The following SMARCD3 variants were observed in gnomAD, a reference collection of about 807,000 sequenced individuals.
SMARCD3 encodes the protein SWI/SNF related BAF chromatin remodeling complex subunit D3, also known as SWI/SNF-related matrix-associated actin-dependent regulator of chromatin subfamily D member 3.
A neutral mutation model predicts 58.0 loss-of-function variants in SMARCD3; 14 were observed. The observed-to-expected ratio is 0.24, with a 90% CI of 0.16 to 0.38. The LOEUF (loss-of-function observed/expected upper bound fraction) is 0.38. SMARCD3 is among the 10% of genes least tolerant of loss of function. The pLI is 1.00. For synonymous variants in SMARCD3, 253 were observed against 253.8 expected, an observed-to-expected ratio of 1.00 and a Z score of 0.03; for missense variants, 408 against 636.9, an observed-to-expected ratio of 0.64 and a Z score of 3.87.
intron 1 of SMARCD3, among the ~76,000 whole-genome samples, chr7:151,247,474 G>A (rs1584874904): frequency 6.6e-6 from 1 of 152,232 alleles, no homozygotes; most frequent in East Asian, 1.9e-4. Flanking sequence ...AAGAGGCCCT[G>A]AGAGGGAGGC....
chr7:151,268,763 TTC>T (rs1003996835), intron 2 of SMARCD3, among the ~76,000 whole-genome samples: 1 of 151,910 alleles, frequency 6.6e-6, no homozygotes, highest in African/African-American at 2.4e-5. Context: ...CCACACAAAA[TTC>T]TCTCTCTTTT....
At chr7:151,250,234 T>TCTGGTCCAGGTTG (rs1803470154), upstream of SMARCD3, among the ~76,000 whole-genome samples, 1 of 151,980 alleles carries the variant, frequency 6.6e-6, no homozygotes, top group African/African-American at 2.4e-5. Context: ...AGGGAGGACA[T>TCTGGTCCAGGTTG]CTGGTCCAGG....
upstream of SMARCD3, among the ~76,000 whole-genome samples, chr7:151,251,829 G>C (rs1411001583): frequency 6.6e-6 from 1 of 150,856 alleles, no homozygotes; most frequent in Non-Finnish European, 1.5e-5. Flanking sequence ...CGCAGGGAGA[G>C]ATGCGCCGCG....
chr7:151,260,348 A>G (rs1803876557), intron 2 of SMARCD3, among the ~76,000 whole-genome samples: 1 of 152,228 alleles, frequency 6.6e-6, no homozygotes, highest in African/African-American at 2.4e-5. Context: ...CGTTTTAAAC[A>G]CACCCCTCAA....
chr7:151,257,258 A>T (rs1803731482), intron 2 of SMARCD3, among the ~76,000 whole-genome samples: 1 of 151,986 alleles, frequency 6.6e-6, no homozygotes, highest in African/African-American at 2.4e-5. Context: ...AAAACTTCTG[A>T]AAAGAGTTGT....
At chr7:151,250,756 G>A (rs114039806), upstream of SMARCD3, among the ~76,000 whole-genome samples, 2,875 of 152,118 alleles carry the variant, frequency 0.019, 83 homozygotes, top group African/African-American at 0.061. Context: ...AGAGGCTAAG[G>A]TCCCCATAAG....
In SMARCD3 at chr7:151,245,658, G is replaced by A. The variant is rs1803223452; in HGVS notation, c.92C>T (p.Pro31Leu). The A allele has an allele frequency of 8.8e-7, 1 of 1,134,526 alleles. No individual in the cohort carries two copies. Among genetic ancestry groups the A allele is most frequent in the Non-Finnish European group, 1.1e-6 (1 of 899,778 alleles). 70.3% of individuals were successfully genotyped at this position (1,134,526 alleles called of 1,614,324 possible). Reference sequence around the variant, plus strand: ...CTGGTGGGGCATCCGGGCTCCAGACGGCATCCCGGGGCGCTGGGGGTGGGC... The same window carrying A: ...CTGGTGGGGCATCCGGGCTCCAGACAGCATCCCGGGGCGCTGGGGGTGGGC... Reference protein sequence around the residue: ...FLVHGVRPGMPSGARMPHQGA... With the variant: ...FLVHGVRPGMLSGARMPHQGA... Residue 31 changes from proline to leucine, a missense_variant, in exon 2 of 13, where the codon CCG (proline) becomes CTG (leucine). Pro to Leu is a moderately conservative substitution (Grantham distance 98). Coordinates refer to ENST00000262188, the MANE Select transcript of SMARCD3 (RefSeq NM_001003801.2). The surrounding 1 kb of genome is among the most constrained non-coding windows in gnomAD (Gnocchi z 6.2).
exon 2 of SMARCD3, chr7:151,275,186 A>G: frequency 1.2e-6 from 2 of 1,603,642 alleles, no homozygotes; most frequent in Non-Finnish European, 1.7e-6. Context: ...AGAGTCATCC[A>G]GTGCCCCCTC....
intron 2 of SMARCD3, among the ~76,000 whole-genome samples, chr7:151,244,782 T>C (rs963356169): frequency 2.0e-5 from 3 of 152,212 alleles, no homozygotes; most frequent in Non-Finnish European, 2.9e-5. Context: ...AAAAAAAGCA[T>C]GTGTATTTGG....
At chr7:151,250,191 T>C (rs1488253075), upstream of SMARCD3, among the ~76,000 whole-genome samples, 1 of 152,104 alleles carries the variant, frequency 6.6e-6, no homozygotes, top group Non-Finnish European at 1.5e-5. Context: ...CTGTCACTGT[T>C]CATTTAGGTG....
chr7:151,243,466 G>A lies in SMARCD3; in HGVS notation c.333+193C>T, dbSNP rs1297209750. Among the ~76,000 whole-genome samples the A allele has an allele frequency of 1.3e-5, 2 of 152,088 alleles. No homozygotes were observed. Among genetic ancestry groups the A allele is most frequent in the Non-Finnish European group, 2.9e-5 (2 of 68,010 alleles). ...CCCCCTGACAGGCCCCTGTGTTCTG[G>A]CCCCAGTGGCTCTGCTGCTTCCCTC... On this transcript the variant is annotated intron_variant, in intron 3 of 12. Coordinates refer to ENST00000262188, the MANE Select transcript of SMARCD3 (RefSeq NM_001003801.2). The surrounding 1 kb of genome is among the most constrained non-coding windows in gnomAD (Gnocchi z 4.4).
At chr7:151,240,639 A>T in intron 8 of SMARCD3, 117 bp from the exon 9 acceptor site, 173 of 548,516 alleles carry the variant, frequency 3.2e-4, no homozygotes, top group East Asian at 5.1e-4. Flanking sequence ...CTGATTCCTC[A>T]GTGCGCATGG....
At position 151,241,359 on chromosome 7, in the gene SMARCD3, G is replaced by A; in HGVS notation, c.939+133C>T. 2 of 810,076 alleles carry A rather than the reference G, an allele frequency of 2.5e-6. No homozygotes were observed. Among genetic ancestry groups the A allele is most frequent in the Non-Finnish European group, 4.2e-6 (2 of 479,724 alleles). 50.2% of individuals were successfully genotyped at this position (810,076 alleles called of 1,614,324 possible). On this transcript the variant is annotated intron_variant, in intron 8 of 12. Coordinates refer to ENST00000262188, the MANE Select transcript of SMARCD3 (RefSeq NM_001003801.2). The surrounding 1 kb of genome is among the most constrained non-coding windows in gnomAD (Gnocchi z 5.3). Reference sequence around the variant, plus strand: ...ATCCTGGTCGGTCTCTTGGCTCCAAGACCATGACTGTGTACTGCTTCTGCT... The same window carrying A: ...ATCCTGGTCGGTCTCTTGGCTCCAAAACCATGACTGTGTACTGCTTCTGCT...
At chr7:151,259,638 T>C (rs1803851737) in intron 2 of SMARCD3, among the ~76,000 whole-genome samples, 1 of 116,826 alleles carries the variant, frequency 8.6e-6, no homozygotes, top group Admixed American at 9.9e-5. Flanking sequence ...AGACGGACTT[T>C]CACTCTTGTC....
chr7:151,268,849 C>T (rs1795073247), intron 2 of SMARCD3, among the ~76,000 whole-genome samples: 1 of 152,058 alleles, frequency 6.6e-6, no homozygotes, highest in Admixed American at 6.6e-5. Flanking sequence ...GGCGATCTTC[C>T]TGCCTTGGCC....
chr7:151,256,290 C>T (rs1803697241), intron 2 of SMARCD3, among the ~76,000 whole-genome samples: 1 of 152,020 alleles, frequency 6.6e-6, no homozygotes, highest in Non-Finnish European at 1.5e-5. Context: ...TGTGCCTCGG[C>T]CTCCTGAATA....
intron 2 of SMARCD3, among the ~76,000 whole-genome samples, chr7:151,259,615 T>TGTTG (rs1198858368): frequency 1.5e-5 from 2 of 134,200 alleles, no homozygotes; most frequent in African/African-American, 5.8e-5. Context: ...TTTTTTTTTT[T>TGTTG]TTTTTTTTTT....
intron 2 of SMARCD3, among the ~76,000 whole-genome samples, chr7:151,260,772 A>G (rs1293222799): frequency 6.6e-6 from 1 of 152,170 alleles, no homozygotes; most frequent in Non-Finnish European, 1.5e-5. Flanking sequence ...GGAGGATCCA[A>G]CTGGCCCTTA....
upstream of SMARCD3, chr7:151,249,380 C>T (rs1003424994): frequency 6.6e-6 from 1 of 152,238 alleles, no homozygotes; most frequent in Non-Finnish European, 1.5e-5. This position sits in a 1 kb window ranked among gnomAD's most constrained non-coding sequence, Gnocchi z 4.8. Context: ...TGCCTCCCTC[C>T]ACGACAGCCT....
Sources: gnomAD v4.1 joint callset for allele counts (sites outside exome capture counted in the v4.1 genomes callset) on GRCh38, gnomAD v4.1.1 for gene constraint, Gnocchi (gnomAD v3.1) non-coding constraint, MANE v1.5 for transcripts, NCBI Gene and HGNC (gene_info 2026-07-23, HGNC 2026-07-21) for gene names.